Variants in DNAJC18 observed in about 807,000 individuals in gnomAD.
DNAJC18 encodes the protein dnaJ homolog subfamily C member 18.
A neutral mutation model predicts 48.6 loss-of-function variants in DNAJC18; 40 were observed. The ratio of observed to expected loss-of-function variants is 0.82; its 90% CI spans 0.64 to 1.07. The LOEUF (loss-of-function observed/expected upper bound fraction) is 1.07, where lower values mean the gene tolerates loss of function less well. Ranked by LOEUF, DNAJC18 falls within the 50% of genes least tolerant of loss-of-function variation. The pLI, the probability that DNAJC18 is intolerant of heterozygous loss-of-function variation, is 0.00. For missense variants in DNAJC18, 340 were observed against 427.7 expected (o/e 0.79, Z 1.81); for synonymous variants, 135 against 152.2 (o/e 0.89, Z 0.83).
At chr5:139,436,543 A>T in intron 2 of DNAJC18, among the ~76,000 whole-genome samples, 2 of 97,252 alleles carry the variant, frequency 2.1e-5, no homozygotes, top group East Asian at 3.0e-4. Context: ...TTTTTTTGAG[A>T]GACAGGGTCT....
chr5:139,420,304 A>C, intron 6 of DNAJC18, 79 bp from the exon 7 acceptor site: 507 of 1,327,710 alleles, frequency 3.8e-4, no homozygotes, highest in Non-Finnish European at 4.7e-4. Flanking sequence ...CACAGATATC[A>C]TCATCATCAT....
chr5:139,436,902 A>G (rs11242468), intron 2 of DNAJC18, among the ~76,000 whole-genome samples: 1 of 151,906 alleles, frequency 6.6e-6, no homozygotes, highest in Admixed American at 6.6e-5. Flanking sequence ...CTAGTGATTT[A>G]TTCTGTGACT....
At chr5:139,426,024 G>A (rs1166718427) in intron 4 of DNAJC18, 148 bp downstream of exon 4, 3 of 858,488 alleles carry the variant, frequency 3.5e-6, no homozygotes, top group East Asian at 5.3e-5. Flanking sequence ...GGGGGCTGGA[G>A]ACTTGCCTCA....
chr5:139,426,172 C>G lies in DNAJC18; in HGVS notation c.559G>C (p.Gly187Arg). 1 of 1,613,232 alleles carries G rather than the reference C, an allele frequency of 6.2e-7. No individual in the cohort carries two copies. The highest frequency in any genetic ancestry group is 8.5e-7 in the Non-Finnish European group (1 of 1,179,676). Reference sequence around the variant, plus strand: ...AGAATGATAATTTGGGGAGACTAACCTGTAGGAAAATGTCCTCCAAAGAAG... The same window carrying G: ...AGAATGATAATTTGGGGAGACTAACGTGTAGGAAAATGTCCTCCAAAGAAG... The part of the protein sequence containing the change: ...NVFFGGHFPT[G>R]NIHMFSNVTD... The change falls in exon 4 of 8, where the codon GGA becomes CGA. Residue 187 changes from glycine (G) to arginine (R), a missense_variant and splice_region_variant. Coordinates refer to ENST00000302060, the MANE Select transcript of DNAJC18 (RefSeq NM_152686.4).
rs1759009469 is a variant in DNAJC18, at chr5:139,412,539, G to A, written c.*1609C>T. On this transcript the variant is annotated 3_prime_UTR_variant, in exon 8 of 8. Coordinates refer to ENST00000302060, the MANE Select transcript of DNAJC18 (RefSeq NM_152686.4). The stretch of plus-strand genomic sequence containing the variant: ...GCCTCCCAAAGTGCTGGGATTACAG[G>A]CTTGAGCCAGTGCACCCGGCCGACT... The A allele has an allele frequency of 2.5e-6, 1 of 392,778 alleles. No homozygotes were observed. Among genetic ancestry groups the A allele is most frequent in the Non-Finnish European group, 4.5e-6 (1 of 222,830 alleles). 24.3% of individuals were successfully genotyped at this position (392,778 alleles called of 1,614,324 possible).
chr5:139,434,519 C>T (rs1044786779), intron 2 of DNAJC18, among the ~76,000 whole-genome samples: 3 of 152,070 alleles, frequency 2.0e-5, no homozygotes, highest in African/African-American at 4.8e-5. Flanking sequence ...GACAGGGCCT[C>T]GCTATGTCGC....
chr5:139,422,116 G>T (rs558014141), intron 6 of DNAJC18, among the ~76,000 whole-genome samples: 1 of 152,228 alleles, frequency 6.6e-6, no homozygotes, highest in East Asian at 1.9e-4. Flanking sequence ...AGGGGCCCTA[G>T]AATCTGCCTT....
intron 5 of DNAJC18, 60 bp from the exon 6 acceptor site, chr5:139,422,877 C>G (rs1219262240): frequency 7.9e-7 from 1 of 1,267,848 alleles, no homozygotes; most frequent in African/African-American, 1.6e-5. Flanking sequence ...TTTCTGTCGC[C>G]CAGGCTGGAG....
chr5:139,437,329 C>T, intron 2 of DNAJC18, 43 bp downstream of exon 2: 1 of 1,552,980 alleles, frequency 6.4e-7, no homozygotes, highest in Non-Finnish European at 8.7e-7. Flanking sequence ...CTCTTCTAAG[C>T]ACTTTCCATA....
intron 1 of DNAJC18, among the ~76,000 whole-genome samples, chr5:139,438,447 G>A (rs1242797731): frequency 6.6e-6 from 1 of 152,060 alleles, no homozygotes; most frequent in Non-Finnish European, 1.5e-5. Flanking sequence ...TTCTTCCAAT[G>A]TGGTCCAGGG....
At chr5:139,427,189 T>C (rs1759257768) in intron 3 of DNAJC18, among the ~76,000 whole-genome samples, 1 of 152,180 alleles carries the variant, frequency 6.6e-6, no homozygotes, top group Admixed American at 6.6e-5. Flanking sequence ...CATAGTCTTA[T>C]TTCAGTTTAC....
chr5:139,439,270 C>T lies in DNAJC18; in HGVS notation c.40+136G>A, dbSNP rs562527589. ...TCCCTACCCCATCCGCAACCCTACT[C>T]AGGCTCAGCATCTTTTCACAGGCCT... On this transcript the variant is annotated intron_variant, in intron 1 of 7. Transcript: ENST00000302060. The surrounding 1 kb of genome is among the most constrained non-coding windows in gnomAD (Gnocchi z 4.1). The T allele has an allele frequency of 4.7e-5, 67 of 1,418,484 alleles. No homozygotes were observed. Among genetic ancestry groups the T allele is most frequent in the Admixed American group, 3.9e-4 (20 of 51,292 alleles). 87.9% of individuals were successfully genotyped at this position (1,418,484 alleles called of 1,614,324 possible). A position where few individuals can be genotyped will look rare whatever the true frequency, so the allele number is the denominator to read the frequency against.
chr5:139,413,034 C>T lies in DNAJC18; in HGVS notation c.*1114G>A. ...GTCATCCTCTCTGGGCCAATGTTCT[C>T]ATTCATAGAACCAGGGATAATACAT... is the stretch of plus-strand genomic sequence containing the variant. On this transcript the variant is annotated 3_prime_UTR_variant, in exon 8 of 8. Transcript: ENST00000302060. The T allele has an allele frequency of 2.5e-6, 1 of 397,628 alleles. No homozygotes were observed. Among genetic ancestry groups the T allele is most frequent in the Non-Finnish European group, 4.4e-6 (1 of 225,970 alleles). The allele number at this position is 397,628 out of a possible 1,614,324, so 24.6% of individuals were successfully genotyped here. A position where few individuals can be genotyped will look rare whatever the true frequency, so the allele number is the denominator to read the frequency against.
At chr5:139,429,607 C>A (rs1425340084) in intron 2 of DNAJC18, among the ~76,000 whole-genome samples, 3 of 152,052 alleles carry the variant, frequency 2.0e-5, no homozygotes, top group Non-Finnish European at 4.4e-5. Flanking sequence ...ATTATAATCA[C>A]TTTTCTACAT....
At chr5:139,436,030 T>C (rs1267552594) in intron 2 of DNAJC18, among the ~76,000 whole-genome samples, 11 of 152,006 alleles carry the variant, frequency 7.2e-5, no homozygotes, top group Admixed American at 7.2e-4. Context: ...AGCTAGAATT[T>C]TTTTGATTGT....
chr5:139,431,035 G>T (rs1759322926), intron 2 of DNAJC18, among the ~76,000 whole-genome samples: 1 of 152,134 alleles, frequency 6.6e-6, no homozygotes, highest in African/African-American at 2.4e-5. Context: ...TCGTAAGTCA[G>T]TAACACAGGT....
At chr5:139,425,231 T>A in intron 4 of DNAJC18, 117 bp from the exon 5 acceptor site, 1 of 699,876 alleles carries the variant, frequency 1.4e-6, no homozygotes, top group Non-Finnish European at 2.3e-6. Context: ...TGGGGTGATC[T>A]CGGCTCACTG....
chr5:139,433,412 C>T (rs923785220), intron 2 of DNAJC18, among the ~76,000 whole-genome samples: 1 of 151,274 alleles, frequency 6.6e-6, no homozygotes, highest in African/African-American at 2.4e-5. Flanking sequence ...CCACTGCACT[C>T]CGGCTTGGGC....
At chr5:139,422,588 A>G (rs1191845142) in intron 6 of DNAJC18, 120 bp downstream of exon 6, 2 of 792,606 alleles carry the variant, frequency 2.5e-6, no homozygotes, top group Non-Finnish European at 4.1e-6. Context: ...TCCTTTAAAC[A>G]TCAAATCGGT....
Sources: gnomAD v4.1 joint callset for allele counts (sites outside exome capture counted in the v4.1 genomes callset) on GRCh38, gnomAD v4.1.1 for gene constraint, Gnocchi (gnomAD v3.1) non-coding constraint, MANE v1.5 for transcripts, NCBI Gene and HGNC (gene_info 2026-07-23, HGNC 2026-07-21) for gene names.